SANBR: variants seen among roughly 807,000 people sequenced by gnomAD.
SANBR encodes the protein SANT and BTB domain regulator of class switch recombination.
Under a neutral mutation model 101.8 loss-of-function variants are expected in SANBR, and 77 were observed. The ratio of observed to expected loss-of-function variants is 0.76; its 90% confidence interval spans 0.63 to 0.91. The LOEUF (loss-of-function observed/expected upper bound fraction) is 0.91. Ranked by LOEUF, SANBR falls within the 40% of genes least tolerant of loss-of-function variation. The probability of loss-of-function intolerance (pLI) is 0.00; values close to 1 mark genes in which losing one functional copy is unlikely to be tolerated. For synonymous variants in SANBR, 279 were observed against 274.7 expected (o/e 1.02, Z -0.15); for missense variants, 875 against 853.0 (o/e 1.03, Z -0.32).
chr2:61,085,709 C>G (rs1682390704), intron 8 of SANBR, among the ~76,000 whole-genome samples: 4 of 152,046 alleles, frequency 2.6e-5, no homozygotes, highest in Admixed American at 2.6e-4. Flanking sequence ...CGGGGTTTCA[C>G]CATGCTGGCC....
intron 12 of SANBR, 22 bp from the exon 13 acceptor site, chr2:61,103,831 T>C: frequency 6.2e-7 from 1 of 1,610,516 alleles, no homozygotes; most frequent in Non-Finnish European, 8.5e-7. Flanking sequence ...TAACCTCTAA[T>C]TTATTGTCTC....
intron 12 of SANBR, among the ~76,000 whole-genome samples, chr2:61,099,994 TGA>T (rs1208234336): frequency 6.6e-6 from 1 of 151,812 alleles, no homozygotes; most frequent in Non-Finnish European, 1.5e-5. Flanking sequence ...GAGAAGTGAG[TGA>T]GAGATAAACA....
In SANBR at chr2:61,103,943, G is replaced by A. The variant is rs149728832; in HGVS notation, c.1456G>A (p.Asp486Asn). 2.7e-5 allele frequency: 44 copies of A among 1,614,004 alleles called. No individual in the cohort carries two copies. The highest frequency in any genetic ancestry group is 3.3e-4 in the Middle Eastern group (2 of 6,084). Residue 486 changes from aspartate to asparagine, a missense_variant, in exon 13 of 22, where the codon GAT (aspartate) becomes AAT (asparagine). Physicochemically the swap from Asp to Asn is conservative, Grantham distance 23 (BLOSUM62 1). Transcript: ENST00000402291. ...PSCPTARMLD[D>N]LHKYRDVIVV... ...CTGTCCCACTGCTAGAATGTTGGACGATTTGCACAAGTACAGAGATGTCAT... is the reference window on the plus strand; with the variant it reads ...CTGTCCCACTGCTAGAATGTTGGACAATTTGCACAAGTACAGAGATGTCAT...
chr2:61,068,520 C>T (rs143054991), intron 1 of SANBR, among the ~76,000 whole-genome samples: 50 of 152,202 alleles, frequency 3.3e-4, no homozygotes, highest in African/African-American at 1.1e-3. Context: ...TAATCCTCAC[C>T]GTAACTCCAA....
In SANBR at chr2:61,070,446, G is replaced by T; in HGVS notation, c.96G>T (p.Gln32His). 1 of 1,601,836 alleles carries T rather than the reference G, an allele frequency of 6.2e-7. No individual in the cohort carries two copies. The highest frequency in any genetic ancestry group is 8.5e-7 in the Non-Finnish European group (1 of 1,175,424). ...MILYPLIGIP[Q>H]TINWETIARL... ...TTTATCCATTAATTGGAATCCCTCA[G>T]ACTATCAACTGGGAAACTATAGCAA... Residue 32 changes from glutamine (Q) to histidine (H), a missense_variant, in exon 3 of 22, where the codon CAG becomes CAT. By Grantham distance (24) the Gln-to-His change is conservative. Coordinates refer to ENST00000402291, the MANE Select transcript of SANBR (RefSeq NM_001129993.3).
At chr2:61,070,800 G>A (rs562609202) in intron 3 of SANBR, among the ~76,000 whole-genome samples, 47 of 148,428 alleles carry the variant, frequency 3.2e-4, no homozygotes, top group African/African-American at 1.1e-3. Context: ...TTTGAGGCAG[G>A]ATCTCTCTAT....
chr2:61,120,717 G>A (rs1294522047), intron 20 of SANBR, among the ~76,000 whole-genome samples: 1 of 152,118 alleles, frequency 6.6e-6, no homozygotes, highest in Non-Finnish European at 1.5e-5. Flanking sequence ...AGAGTGAGAT[G>A]CTGTCTCCAA....
At chr2:61,102,558 G>GTCTTGC (rs1683340889) in intron 12 of SANBR, among the ~76,000 whole-genome samples, 1 of 150,772 alleles carries the variant, frequency 6.6e-6, no homozygotes, top group Admixed American at 6.6e-5. Flanking sequence ...TTGAGGTGGA[G>GTCTTGC]TCTTGCTCTT....
intron 20 of SANBR, among the ~76,000 whole-genome samples, chr2:61,130,917 G>A (rs10190897): frequency 0.024 from 2,412 of 99,746 alleles, 88 homozygotes; most frequent in African/African-American, 0.088. Context: ...GTGACAGAGC[G>A]AGACTCTGTC....
chr2:61,123,433 C>T lies in SANBR; in HGVS notation c.*1271C>T, dbSNP rs186877631. 4.1e-6 allele frequency: 4 copies of T among 984,830 alleles called. No individual in the cohort carries two copies. Among genetic ancestry groups the T allele is most frequent in the East Asian group, 1.1e-4 (1 of 8,950 alleles). 61.0% of individuals were successfully genotyped at this position (984,830 alleles called of 1,614,324 possible). On this transcript the variant is annotated 3_prime_UTR_variant, in exon 22 of 22. Coordinates refer to ENST00000402291, the MANE Select transcript of SANBR (RefSeq NM_001129993.3). ...AATGAAGCTAGATGTTATTTGATAA[C>T]TGGCTTTGCCAAGGTTTTTGAACTG...
intron 9 of SANBR, 35 bp downstream of exon 9, chr2:61,088,280 A>G: frequency 1.9e-6 from 3 of 1,575,226 alleles, no homozygotes; most frequent in Non-Finnish European, 2.6e-6. Context: ...GGTGTACTTT[A>G]TAATGCAGCT....
chr2:61,076,420 A>G (rs1275199547), intron 5 of SANBR, among the ~76,000 whole-genome samples: 1 of 148,754 alleles, frequency 6.7e-6, no homozygotes, highest in East Asian at 2.0e-4. Context: ...GATTGAGACC[A>G]TCCTGGCTAA....
At chr2:61,106,506 C>T (rs1476136526) in intron 13 of SANBR, 57 bp from the exon 14 acceptor site, 3 of 1,147,720 alleles carry the variant, frequency 2.6e-6, no homozygotes, top group Non-Finnish European at 3.8e-6. Flanking sequence ...AAGATATTCA[C>T]ATTTAAATTT....
At chr2:61,137,510 A>G (rs941741434) in exon 22 of SANBR, 15 of 152,258 alleles carry the variant, frequency 9.9e-5, no homozygotes, top group Non-Finnish European at 4.4e-5. Flanking sequence ...ACAGATTTAC[A>G]TCGATATATT....
chr2:61,092,444 A>T lies in SANBR; in HGVS notation c.1089-20A>T. On this transcript the variant is annotated intron_variant, in intron 10 of 21. Transcript: ENST00000402291. ...AATTGTTTATATCACTTGCTTGTAA[A>T]ATTGAGGCTCTTTCTCCAGAGATAA... 1 of 1,516,348 alleles carries T rather than the reference A, an allele frequency of 6.6e-7. No individual in the cohort carries two copies. The highest frequency in any genetic ancestry group is 8.8e-7 in the Non-Finnish European group (1 of 1,134,536). 93.9% of individuals were successfully genotyped at this position (1,516,348 alleles called of 1,614,324 possible).
At chr2:61,079,856 C>T (rs1682001186) in intron 6 of SANBR, among the ~76,000 whole-genome samples, 1 of 149,994 alleles carries the variant, frequency 6.7e-6, no homozygotes, top group African/African-American at 2.5e-5. Context: ...GCAGAGATTG[C>T]GCCACTGCAC....
rs757723716 is a variant in SANBR at position 61,088,237 on chromosome 2, A to G, written c.969A>G (p.Thr323=). The G allele has an allele frequency of 1.2e-5, 19 of 1,607,320 alleles. No individual in the cohort carries two copies. Among genetic ancestry groups the G allele is most frequent in the South Asian group, 3.3e-5 (3 of 89,782 alleles). ...CAGATTCTCGGAGTAATGCAGCAACATTGTATAGGTATGCTAACATGTTTT... is the reference window on the plus strand; with the variant it reads ...CAGATTCTCGGAGTAATGCAGCAACGTTGTATAGGTATGCTAACATGTTTT... ...LNPDSRSNAA[T]LYRCCLCKKL... is the part of the protein sequence containing the mutation. Residue 323 remains threonine, a synonymous_variant, in exon 9 of 22, where the codon ACA becomes ACG. Coordinates refer to ENST00000402291, the MANE Select transcript of SANBR (RefSeq NM_001129993.3).
chr2:61,074,946 G>A (rs1453777923), intron 5 of SANBR: 1 of 151,018 alleles, frequency 6.6e-6, no homozygotes, highest in African/African-American at 2.4e-5. Flanking sequence ...CCTTTTTCTG[G>A]TAGCCCAATT....
chr2:61,114,406 C>T (rs1277697129), intron 16 of SANBR, among the ~76,000 whole-genome samples: 1 of 152,224 alleles, frequency 6.6e-6, no homozygotes, highest in Non-Finnish European at 1.5e-5. Context: ...CTTAGAACCA[C>T]ATGAGTAAAC....
Sources: gnomAD v4.1 joint callset for allele counts (sites outside exome capture counted in the v4.1 genomes callset) on GRCh38, gnomAD v4.1.1 for gene constraint, MANE v1.5 for transcripts, NCBI Gene and HGNC (gene_info 2026-07-23, HGNC 2026-07-21) for gene names.